The following STAG1 variants were observed in gnomAD, a reference collection of about 807,000 sequenced individuals.
STAG1 encodes the protein cohesin subunit SA-1.
A neutral mutation model predicts 170.9 loss-of-function variants in STAG1; 26 were observed. The ratio of observed to expected loss-of-function variants is 0.15; its 90% CI spans 0.11 to 0.21. The LOEUF (loss-of-function observed/expected upper bound fraction) is 0.21, where lower values mean the gene tolerates loss of function less well. Among genes scored for constraint, STAG1 ranks in the 10% least tolerant of loss-of-function variants. The pLI is 1.00. For missense variants in STAG1, 964 were observed against 1,509.5 expected (o/e 0.64, Z 5.99); for synonymous variants, 514 against 497.7 (o/e 1.03, Z -0.44).
At position 136,595,619 on chromosome 3, in the gene STAG1, G is replaced by A. The variant is rs540988307; in HGVS notation, c.297+8690C>T. On this transcript the variant is annotated intron_variant, in intron 4 of 33. Coordinates refer to ENST00000383202, the MANE Select transcript of STAG1 (RefSeq NM_005862.3). Reference sequence around the variant, plus strand: ...ATGAATCCGGGAGGTGGAGCTTGTAGTGAGCCGAGACCGCACCACTGCACT... The same window carrying A: ...ATGAATCCGGGAGGTGGAGCTTGTAATGAGCCGAGACCGCACCACTGCACT... 3.3e-5 allele frequency among the ~76,000 whole-genome samples: 5 copies of A among 151,798 alleles called. No homozygotes were observed. The East Asian group carries it at 9.7e-4, about 29-fold the overall frequency.
intron 4 of STAG1, among the ~76,000 whole-genome samples, chr3:136,599,292 G>T (rs2107801985): frequency 6.6e-6 from 1 of 152,226 alleles, no homozygotes; most frequent in African/African-American, 2.4e-5. Flanking sequence ...CACTTTAGAA[G>T]GCTGAGGTAG....
At chr3:136,543,560 T>G (rs1423909498) in intron 5 of STAG1, among the ~76,000 whole-genome samples, 1 of 152,044 alleles carries the variant, frequency 6.6e-6, no homozygotes. Context: ...CCTCAGGAAA[T>G]AAGTCATCCT....
At chr3:136,465,877 G>T (rs1465980910) in intron 12 of STAG1, among the ~76,000 whole-genome samples, 1 of 152,010 alleles carries the variant, frequency 6.6e-6, no homozygotes, top group Admixed American at 6.6e-5. Flanking sequence ...AGACCTAATG[G>T]TATTTTTAAA....
chr3:136,619,495 C>T (rs1235443789), intron 3 of STAG1, among the ~76,000 whole-genome samples: 4 of 151,898 alleles, frequency 2.6e-5, no homozygotes, highest in Non-Finnish European at 4.4e-5. Flanking sequence ...TGGTGGCTCA[C>T]GCCTGTAATC....
chr3:136,532,051 C>G (rs965667779), intron 6 of STAG1, among the ~76,000 whole-genome samples: 1 of 150,424 alleles, frequency 6.6e-6, no homozygotes, highest in Non-Finnish European at 1.5e-5. Context: ...TAAATTAAAA[C>G]TAAAAAAAAT....
intron 1 of STAG1, among the ~76,000 whole-genome samples, chr3:136,646,515 C>A (rs559702585): frequency 4.1e-4 from 63 of 152,262 alleles, no homozygotes; most frequent in African/African-American, 1.5e-3. Context: ...AATACTATCT[C>A]AGAAAATAAG....
chr3:136,587,541 C>CAAA lies in STAG1; in HGVS notation c.297+16765_297+16767dup, dbSNP rs747339467. On this transcript the variant is annotated intron_variant, in intron 4 of 33. Transcript: ENST00000383202. Reference sequence around the variant, plus strand: ...GGGTAACAAGAATGAAACTCCATCTCAAAAAAAAAAAAAAAAAAAAGCAAT... The same window carrying CAAA: ...GGGTAACAAGAATGAAACTCCATCTCAAAAAAAAAAAAAAAAAAAAAAAGCAAT... 5.0e-3 allele frequency among the ~76,000 whole-genome samples: 303 copies of CAAA among 60,692 alleles called. 3 individuals are homozygous for CAAA. Among genetic ancestry groups the CAAA allele is most frequent in the African/African-American group, 0.014 (186 of 13,674 alleles). 39.8% of individuals were successfully genotyped at this position (60,692 alleles called of 152,430 possible). A position where few individuals can be genotyped will look rare whatever the true frequency, so the allele number is the denominator to read the frequency against.
At chr3:136,477,228 C>G (rs767824600) in intron 10 of STAG1, 61 bp downstream of exon 10, 1 of 1,501,222 alleles carries the variant, frequency 6.7e-7, no homozygotes, top group Non-Finnish European at 8.9e-7. Context: ...ATTTTGATTC[C>G]CAGCATTTTA....
chr3:136,522,034 T>C (rs1426713165), intron 6 of STAG1, among the ~76,000 whole-genome samples: 1 of 152,228 alleles, frequency 6.6e-6, no homozygotes, highest in East Asian at 1.9e-4. Flanking sequence ...TGTCATCTTG[T>C]TTTAAAACAC....
chr3:136,368,653 G>A (rs1937172416), intron 24 of STAG1, among the ~76,000 whole-genome samples: 1 of 152,120 alleles, frequency 6.6e-6, no homozygotes, highest in African/African-American at 2.4e-5. Flanking sequence ...ATGTCAATCT[G>A]TGTGAGATGG....
At chr3:136,472,595 G>A (rs934786295) in intron 11 of STAG1, 103 bp from the exon 12 acceptor site, 1 of 711,476 alleles carries the variant, frequency 1.4e-6, no homozygotes, top group East Asian at 2.7e-5. Context: ...ACTAATGATA[G>A]GTTAAATAAA....
chr3:136,486,154 T>C (rs1409189611), intron 9 of STAG1, among the ~76,000 whole-genome samples: 1 of 152,242 alleles, frequency 6.6e-6, no homozygotes, highest in Non-Finnish European at 1.5e-5. Context: ...GTAAGTATTC[T>C]TTCTTGAAGC....
chr3:136,684,166 C>G (rs1260569739), intron 1 of STAG1, among the ~76,000 whole-genome samples: 1 of 152,138 alleles, frequency 6.6e-6, no homozygotes, highest in Non-Finnish European at 1.5e-5. Flanking sequence ...TTTGTGAATA[C>G]TAACAAAGCG....
chr3:136,427,490 A>ACC, intron 16 of STAG1, among the ~76,000 whole-genome samples: 1 of 152,148 alleles, frequency 6.6e-6, no homozygotes, highest in South Asian at 2.1e-4. Flanking sequence ...ACCTTGAATA[A>ACC]CATTATGGGA....
intron 1 of STAG1, among the ~76,000 whole-genome samples, chr3:136,717,695 A>C (rs535731733): frequency 6.6e-6 from 1 of 152,292 alleles, no homozygotes; most frequent in East Asian, 1.9e-4. Flanking sequence ...AAAAAATTGT[A>C]GTTTTCAGAA....
intron 1 of STAG1, among the ~76,000 whole-genome samples, chr3:136,671,406 C>A (rs1483099324): frequency 6.6e-6 from 1 of 152,074 alleles, no homozygotes; most frequent in African/African-American, 2.4e-5. Flanking sequence ...CTATTTGGGT[C>A]TCAATGGAGC....
At chr3:136,563,756 C>T (rs1159340227) in intron 5 of STAG1, among the ~76,000 whole-genome samples, 1 of 151,976 alleles carries the variant, frequency 6.6e-6, no homozygotes, top group African/African-American at 2.4e-5. Flanking sequence ...CACGGTGGCT[C>T]ATGCCTGTAA....
At chr3:136,598,487 C>A (rs1477884275) in intron 4 of STAG1, among the ~76,000 whole-genome samples, 1 of 150,864 alleles carries the variant, frequency 6.6e-6, no homozygotes, top group African/African-American at 2.4e-5. Context: ...AGTGCAATGG[C>A]GCAATCTCGG....
chr3:136,748,398 A>ATT (rs565971182), intron 1 of STAG1, among the ~76,000 whole-genome samples: 7 of 146,430 alleles, frequency 4.8e-5, no homozygotes, highest in Admixed American at 3.4e-4. Flanking sequence ...AAAATAATAA[A>ATT]TTTTTTTTTT....
Sources: gnomAD v4.1 joint callset for allele counts (sites outside exome capture counted in the v4.1 genomes callset) on GRCh38, gnomAD v4.1.1 for gene constraint, MANE v1.5 for transcripts, NCBI Gene and HGNC (gene_info 2026-07-23, HGNC 2026-07-21) for gene names.